Variants in FGF13 observed in about 807,000 individuals in gnomAD.
FGF13 encodes the protein fibroblast growth factor 13.
In FGF13, 2 loss-of-function variants were observed where a neutral mutation model predicts 19.5. The ratio of observed to expected loss-of-function variants is 0.10; its 90% CI spans 0.04 to 0.32. FGF13 has a LOEUF of 0.32. Ranked by LOEUF, FGF13 falls within the 10% of genes least tolerant of loss-of-function variation. The probability of loss-of-function intolerance (pLI) is 1.00; values close to 1 mark genes in which losing one functional copy is unlikely to be tolerated. For synonymous variants in FGF13, 72 were observed against 76.9 expected (o/e 0.94, Z 0.33); for missense variants, 113 against 192.7 (o/e 0.59, Z 2.45).
chrX:139,164,863 C>G (rs1907661046), intron 1 of FGF13, among the ~76,000 whole-genome samples: 1 of 110,106 alleles, frequency 9.1e-6, no homozygotes, highest in Non-Finnish European at 1.9e-5. Context: ...ATATTATTTT[C>G]TCTTATCTGT....
At chrX:139,129,210 T>C (rs2083743239) in intron 1 of FGF13, among the ~76,000 whole-genome samples, 2 of 108,030 alleles carry the variant, frequency 1.9e-5, no homozygotes, top group South Asian at 7.7e-4. Context: ...ATGTAATTAA[T>C]ATAATATGTA....
chrX:138,655,238 A>C (rs2089424046), intron 3 of FGF13, among the ~76,000 whole-genome samples: 1 of 111,636 alleles, frequency 9.0e-6, no homozygotes, highest in Admixed American at 9.6e-5. Flanking sequence ...GAAAGAAGGA[A>C]ACCCTGAGTA....
At chrX:138,994,139 A>G (rs1408018692) in intron 1 of FGF13, among the ~76,000 whole-genome samples, 1 of 111,638 alleles carries the variant, frequency 9.0e-6, no homozygotes, top group Non-Finnish European at 1.9e-5. Context: ...CTTAACAGAG[A>G]CATTTATTTC....
chrX:138,952,770 T>C (rs1256870067), intron 1 of FGF13, among the ~76,000 whole-genome samples: 2 of 111,346 alleles, frequency 1.8e-5, no homozygotes, highest in African/African-American at 6.6e-5. Context: ...GGGCGAAGGA[T>C]ATGAACAGAC....
At chrX:138,702,946 C>T (rs746821384) in intron 3 of FGF13, 38 bp downstream of exon 3, 27 of 994,192 alleles carry the variant, frequency 2.7e-5, no homozygotes, top group Non-Finnish European at 3.6e-5. Context: ...TGGATGAAAA[C>T]TAGAATAGTC....
intron 1 of FGF13, among the ~76,000 whole-genome samples, chrX:138,925,022 C>G (rs2091665669): frequency 9.0e-6 from 1 of 110,969 alleles, no homozygotes; most frequent in Admixed American, 9.6e-5. Flanking sequence ...ATGAAAACAG[C>G]AGGGCAGAGA....
chrX:138,729,945 A>G (rs1026004056), intron 1 of FGF13, among the ~76,000 whole-genome samples: 1 of 111,596 alleles, frequency 9.0e-6, no homozygotes, highest in Non-Finnish European at 1.9e-5. Context: ...TCCAGCAAAA[A>G]TATTCTTCAA....
At chrX:138,914,934 G>T (rs765821431) in intron 1 of FGF13, among the ~76,000 whole-genome samples, 1 of 111,123 alleles carries the variant, frequency 9.0e-6, no homozygotes, top group South Asian at 3.8e-4. Flanking sequence ...ATTCTTTATG[G>T]CAATTATTTG....
At chrX:139,070,226 T>G (rs927712152) in intron 1 of FGF13, among the ~76,000 whole-genome samples, 2 of 111,202 alleles carry the variant, frequency 1.8e-5, no homozygotes, top group African/African-American at 6.5e-5. Flanking sequence ...TTGCAATCTA[T>G]CCATCTGACA....
chrX:138,941,839 T>C (rs775246238), intron 1 of FGF13, among the ~76,000 whole-genome samples: 3 of 112,175 alleles, frequency 2.7e-5, no homozygotes, highest in African/African-American at 9.7e-5. Flanking sequence ...TCTCCACTAG[T>C]GTGTCTATGA....
At chrX:138,807,296 CA>C (rs919736830) in intron 3 of FGF13, among the ~76,000 whole-genome samples, 33 of 111,561 alleles carry the variant, frequency 3.0e-4, no homozygotes, top group African/African-American at 1.0e-3. Context: ...AAACTCAAGA[CA>C]AAACAATTAA....
chrX:139,126,671 GAAT>G (rs1436013461), intron 1 of FGF13, among the ~76,000 whole-genome samples: 1 of 111,896 alleles, frequency 8.9e-6, no homozygotes. Context: ...CCGTCGGCAA[GAAT>G]AATGACCTCT....
At chrX:138,978,717 G>C (rs752357550) in intron 1 of FGF13, among the ~76,000 whole-genome samples, 1 of 111,848 alleles carries the variant, frequency 8.9e-6, no homozygotes, top group South Asian at 3.8e-4. Flanking sequence ...TTTTACAGAG[G>C]GGGAAACTGA....
chrX:138,701,261 G>A (rs1442853743), intron 3 of FGF13, among the ~76,000 whole-genome samples: 1 of 111,726 alleles, frequency 9.0e-6, no homozygotes, highest in Non-Finnish European at 1.9e-5. Flanking sequence ...AGTATATTCC[G>A]TTTCCTTATC....
chrX:139,076,973 T>C (rs1263289606), intron 1 of FGF13, among the ~76,000 whole-genome samples: 1 of 112,216 alleles, frequency 8.9e-6, no homozygotes, highest in African/African-American at 3.2e-5. Context: ...GTTTATTTGA[T>C]GACAAAGAAA....
At chrX:138,911,169 A>C (rs745474253) in intron 1 of FGF13, among the ~76,000 whole-genome samples, 10 of 112,041 alleles carry the variant, frequency 8.9e-5, no homozygotes, top group African/African-American at 3.2e-4. Flanking sequence ...AAAGTCTTGC[A>C]GTAGATTTTG....
chrX:138,673,714 G>A (rs1248033538), intron 3 of FGF13, among the ~76,000 whole-genome samples: 1 of 111,263 alleles, frequency 9.0e-6, no homozygotes, highest in Non-Finnish European at 1.9e-5. Context: ...TTGATATGGT[G>A]GAGAGGGATA....
At chrX:139,185,568 G>A (rs746292643) in intron 1 of FGF13, among the ~76,000 whole-genome samples, 9 of 111,191 alleles carry the variant, frequency 8.1e-5, no homozygotes, top group Non-Finnish European at 1.7e-4. Context: ...CATAACAGCC[G>A]GAGTCCACCG....
At position 138,632,282 on chromosome X, in the gene FGF13, A is replaced by G. The variant is rs1223619633; in HGVS notation, c.*568T>C. ...TCAACCCTGAATTTGGTTGATTTGG[A>G]TTAAGTGACGCAAAAAGTCAATAGA... On this transcript the variant is annotated 3_prime_UTR_variant, in exon 5 of 5. Transcript: ENST00000315930. 8.9e-6 allele frequency: 1 copy of G among 111,923 alleles called. No individual in the cohort carries two copies. Among genetic ancestry groups the G allele is most frequent in the Admixed American group, 9.5e-5 (1 of 10,497 alleles). The allele number at this position is 111,923 out of a possible 1,213,427, so 9.2% of individuals were successfully genotyped here.
Sources: gnomAD v4.1 joint callset for allele counts (sites outside exome capture counted in the v4.1 genomes callset) on GRCh38, gnomAD v4.1.1 for gene constraint, MANE v1.5 for transcripts, NCBI Gene and HGNC (gene_info 2026-07-23, HGNC 2026-07-21) for gene names.